FRMD4A: variants seen among roughly 807,000 people sequenced by gnomAD.
FRMD4A encodes the protein FERM domain-containing protein 4A.
Under a neutral mutation model 129.1 loss-of-function variants are expected in FRMD4A, and 29 were observed. The observed-to-expected ratio is 0.22, with a 90% CI of 0.17 to 0.31. The LOEUF (loss-of-function observed/expected upper bound fraction) is 0.31. FRMD4A is among the 10% of genes least tolerant of loss of function. The pLI is 1.00. For synonymous variants in FRMD4A, 634 were observed against 571.6 expected (o/e 1.11, Z -1.56); for missense variants, 1,272 against 1,375.8 (o/e 0.92, Z 1.19).
chr10:13,716,593 G>A (rs972776385), intron 12 of FRMD4A, among the ~76,000 whole-genome samples: 4 of 152,144 alleles, frequency 2.6e-5, no homozygotes, highest in Non-Finnish European at 4.4e-5. Flanking sequence ...GTCAGACAAC[G>A]CGAGCTCTAA....
chr10:14,130,374 C>T (rs1272755483), intron 2 of FRMD4A, among the ~76,000 whole-genome samples: 2 of 152,172 alleles, frequency 1.3e-5, no homozygotes, highest in East Asian at 3.9e-4. Flanking sequence ...GATCCTCCCA[C>T]CTCCACCTCC....
At chr10:14,182,037 C>G (rs970847630) in intron 2 of FRMD4A, among the ~76,000 whole-genome samples, 5 of 152,166 alleles carry the variant, frequency 3.3e-5, no homozygotes, top group African/African-American at 9.7e-5. Context: ...TCAGGATTGT[C>G]ACGACTTGGA....
chr10:13,837,975 C>T (rs777435562), intron 3 of FRMD4A, among the ~76,000 whole-genome samples: 3 of 152,208 alleles, frequency 2.0e-5, no homozygotes, highest in Non-Finnish European at 4.4e-5. Flanking sequence ...AGAAAGCAGG[C>T]TTAGCTCTTC....
chr10:14,129,409 A>ATATATATATATATATATAT (rs58579085), intron 2 of FRMD4A, among the ~76,000 whole-genome samples: 2 of 93,498 alleles, frequency 2.1e-5, no homozygotes, highest in Admixed American at 1.2e-4. Flanking sequence ...TATATATATA[A>ATATATATATATATATATAT]AAAATATGAG....
rs149167266 is a variant in FRMD4A at position 14,227,772 on chromosome 10, A to T, written c.45+102286T>A. On this transcript the variant is annotated intron_variant, in intron 2 of 24. Coordinates refer to ENST00000357447, the MANE Select transcript of FRMD4A (RefSeq NM_018027.5). ...TCACACAGTCGCATCTCTAGACCCC[A>T]GAACAGGTTCCTGGCTCATAGTAGG... Among the ~76,000 whole-genome samples, 144 of 152,350 alleles carry T rather than the reference A, an allele frequency of 9.5e-4. No homozygotes were observed. The East Asian group carries it at 0.025, about 26-fold the overall frequency.
chr10:14,246,523 A>T (rs2088406790), intron 2 of FRMD4A, among the ~76,000 whole-genome samples: 1 of 152,180 alleles, frequency 6.6e-6, no homozygotes, highest in South Asian at 2.1e-4. Context: ...ATGCAATCAC[A>T]TGTGGACGTA....
intron 2 of FRMD4A, among the ~76,000 whole-genome samples, chr10:13,957,070 C>T (rs2095413826): frequency 6.6e-6 from 1 of 152,180 alleles, no homozygotes; most frequent in Non-Finnish European, 1.5e-5. Context: ...TGGCTCTGAA[C>T]CACGGGGAAA....
intron 8 of FRMD4A, among the ~76,000 whole-genome samples, chr10:13,748,474 C>T (rs1225605052): frequency 6.6e-6 from 1 of 152,108 alleles, no homozygotes; most frequent in East Asian, 1.9e-4. Flanking sequence ...AAAACCTGAG[C>T]ATCTGAAATC....
chr10:13,881,242 C>A (rs1357545753), intron 2 of FRMD4A, among the ~76,000 whole-genome samples: 1 of 120,006 alleles, frequency 8.3e-6, no homozygotes, highest in Non-Finnish European at 1.7e-5. Flanking sequence ...TCTAGTGAGA[C>A]CCCCATCTCT....
In FRMD4A at chr10:13,728,573, C is replaced by CTTTTTTTTTTTTTTTTTTTTTTT. The variant is rs10706168; in HGVS notation, c.759+9270_759+9271insAAAAAAAAAAAAAAAAAAAAAAA. ...TCAGTGCTTTCAGGTGATTACCATT[C>CTTTTTTTTTTTTTTTTTTTTTTT]TTTTTTTTTTTTTTTTTGAGATGGA... On this transcript the variant is annotated intron_variant, in intron 12 of 24. Transcript: ENST00000357447. Among the ~76,000 whole-genome samples the CTTTTTTTTTTTTTTTTTTTTTTT allele has an allele frequency of 6.8e-3, 530 of 78,328 alleles. 124 individuals carry two copies. The highest frequency in any genetic ancestry group is 0.02 in the Middle Eastern group (2 of 100). 51.4% of individuals were successfully genotyped at this position (78,328 alleles called of 152,430 possible).
chr10:14,070,446 G>A (rs1034733230), intron 2 of FRMD4A, among the ~76,000 whole-genome samples: 13 of 152,106 alleles, frequency 8.5e-5, no homozygotes, highest in South Asian at 6.2e-4. Flanking sequence ...TTTTATTATC[G>A]GTTTAGAAAG....
intron 2 of FRMD4A, among the ~76,000 whole-genome samples, chr10:14,068,521 T>A (rs1835166129): frequency 6.6e-6 from 1 of 152,220 alleles, no homozygotes; most frequent in South Asian, 2.1e-4. Context: ...TAAACCTAAC[T>A]TTGGACTGTA....
At position 14,210,552 on chromosome 10, in the gene FRMD4A, G is replaced by C. The variant is rs149970824; in HGVS notation, c.45+119506C>G. ...TTGCTCAAACTCAACCACACAGCAT[G>C]GACCTTCAGTATCATTTACTGAGCA... On this transcript the variant is annotated intron_variant, in intron 2 of 24. Transcript: ENST00000357447. 1.2e-4 allele frequency among the ~76,000 whole-genome samples: 18 copies of C among 152,246 alleles called. No homozygotes were observed. The East Asian group carries it at 3.5e-3, about 29-fold the overall frequency.
chr10:13,657,053 T>G lies in FRMD4A; in HGVS notation c.2536A>C (p.Thr846Pro). Residue 846 changes from threonine to proline, a missense_variant, in exon 22 of 25, where the codon ACG becomes CCG. This residue lies in a region of FRMD4A where 972 missense variants were observed against 892.3 expected (regional missense o/e 1.09). Transcript: ENST00000357447. ...EYPLYIEGGA[T>P]PVVVRSLESD... ...TCCAGGCTGCGCACCACCACGGGCG[T>G]GGCGCCGCCCTCGATGTACAGCGGG... is the stretch of plus-strand genomic sequence containing the variant. The G allele has an allele frequency of 6.4e-7, 1 of 1,572,972 alleles. No homozygotes were observed.
intron 2 of FRMD4A, among the ~76,000 whole-genome samples, chr10:13,977,484 G>A (rs181060578): frequency 3.5e-4 from 53 of 152,248 alleles, no homozygotes; most frequent in African/African-American, 6.3e-4. Context: ...TCTTAAAAAC[G>A]TAAAAATACC....
chr10:13,890,894 C>T, intron 2 of FRMD4A: 2 of 980,290 alleles, frequency 2.0e-6, no homozygotes, highest in South Asian at 4.7e-5. Flanking sequence ...TCGCAGAATA[C>T]GCCTGAATGT....
At chr10:14,072,883 C>A (rs1365440455) in intron 2 of FRMD4A, among the ~76,000 whole-genome samples, 1 of 152,138 alleles carries the variant, frequency 6.6e-6, no homozygotes, top group Non-Finnish European at 1.5e-5. Flanking sequence ...GTCCCCAGAC[C>A]TGCACTTCCC....
At chr10:13,691,050 T>G (rs2085643789) in intron 15 of FRMD4A, among the ~76,000 whole-genome samples, 1 of 152,102 alleles carries the variant, frequency 6.6e-6, no homozygotes, top group African/African-American at 2.4e-5. Context: ...TACAGTAGCA[T>G]CATCTTAGCT....
chr10:13,900,509 G>T (rs150437856), intron 2 of FRMD4A, among the ~76,000 whole-genome samples: 1 of 152,108 alleles, frequency 6.6e-6, no homozygotes, highest in Non-Finnish European at 1.5e-5. Context: ...CGAGTACCAC[G>T]GTATAAAATT....
Sources: allele counts gnomAD v4.1 joint callset (sites outside exome capture counted in the v4.1 genomes callset), GRCh38; gene constraint gnomAD v4.1.1; regional missense constraint gnomAD v4.1.1; transcripts MANE v1.5; gene names NCBI Gene and HGNC (gene_info 2026-07-23, HGNC 2026-07-21).